RBFOX1: variants seen among roughly 807,000 people sequenced by gnomAD.
The protein encoded by RBFOX1 is RNA binding fox-1 homolog 1, also known as RNA binding protein fox-1 homolog 1.
A neutral mutation model predicts 57.7 loss-of-function variants in RBFOX1; 8 were observed. The ratio of observed to expected loss-of-function variants is 0.14; its 90% CI spans 0.08 to 0.25. RBFOX1 has a LOEUF of 0.25. Ranked by LOEUF, RBFOX1 falls within the 10% of genes least tolerant of loss-of-function variation. The pLI is 1.00. For synonymous variants in RBFOX1, 326 were observed against 222.4 expected, an observed-to-expected ratio of 1.47 and a Z score of -4.15; for missense variants, 611 against 548.5, an observed-to-expected ratio of 1.11 and a Z score of -1.14.
chr16:5,956,204 A>G (rs1313484596), intron 4 of RBFOX1, among the ~76,000 whole-genome samples: 1 of 152,112 alleles, frequency 6.6e-6, no homozygotes, highest in Non-Finnish European at 1.5e-5. Context: ...TGAACCCAGG[A>G]GGTGGAGTTT....
rs141082718 is a variant in RBFOX1 at position 7,573,156 on chromosome 16, C to T, written c.271-6621C>T. 2.5e-3 allele frequency among the ~76,000 whole-genome samples: 387 copies of T among 152,196 alleles called. 1 individual carries two copies. Among genetic ancestry groups the T allele is most frequent in the African/African-American group, 9.0e-3 (372 of 41,536 alleles). ...GGTGACACCTGGGCAGAGATTGTAT[C>T]GGCAAGAGGGCAAGCTACAGGTGGT... is the stretch of plus-strand genomic sequence containing the variant. On this transcript the variant is annotated intron_variant, in intron 5 of 15. Coordinates refer to ENST00000550418, the MANE Select transcript of RBFOX1 (RefSeq NM_018723.4).
At chr16:5,246,785 C>T (rs900811469) in intron 1 of RBFOX1, among the ~76,000 whole-genome samples, 2 of 152,008 alleles carry the variant, frequency 1.3e-5, no homozygotes, top group Non-Finnish European at 2.9e-5. Context: ...ATCCTTCCAC[C>T]TCAGCCTCCT....
chr16:6,959,446 G>T (rs898961492), intron 3 of RBFOX1, among the ~76,000 whole-genome samples: 1 of 152,178 alleles, frequency 6.6e-6, no homozygotes, highest in Non-Finnish European at 1.5e-5. Context: ...GAAGGCAGAA[G>T]TTGGAATAAA....
intron 4 of RBFOX1, among the ~76,000 whole-genome samples, chr16:7,367,087 T>C (rs921696350): frequency 1.3e-5 from 2 of 151,864 alleles, no homozygotes; most frequent in African/African-American, 4.8e-5. Context: ...TTAGACAATA[T>C]GGTGTCAGTG....
intron 7 of RBFOX1, among the ~76,000 whole-genome samples, chr16:7,588,191 A>G (rs1181113950): frequency 1.1e-4 from 16 of 152,182 alleles, no homozygotes; most frequent in Admixed American, 1.0e-3. Flanking sequence ...AAAATAAGCA[A>G]ATAAACAAAA....
chr16:7,168,879 G>T (rs927418357), intron 4 of RBFOX1, among the ~76,000 whole-genome samples: 2 of 152,140 alleles, frequency 1.3e-5, no homozygotes, highest in Admixed American at 1.3e-4. Flanking sequence ...GGAGGAGTGT[G>T]CCTCTATTTT....
intron 1 of RBFOX1, among the ~76,000 whole-genome samples, chr16:6,110,431 A>G (rs961341887): frequency 2.6e-5 from 4 of 152,214 alleles, no homozygotes. Flanking sequence ...TAGGAGAAGC[A>G]GAATTCTGTA....
intron 4 of RBFOX1, chr16:7,423,093 AAGAGAGAGAGAGAGAGAGAG>A (rs56239071): frequency 4.1e-5 from 6 of 144,990 alleles, no homozygotes; most frequent in South Asian, 4.6e-4. Context: ...ATGAGGGAGA[AAGAGAGAGAGAGAGAGAGAG>A]AGAGAGAGAG....
intron 3 of RBFOX1, among the ~76,000 whole-genome samples, chr16:6,835,200 C>T (rs779419595): frequency 1.3e-5 from 2 of 152,024 alleles, no homozygotes; most frequent in Non-Finnish European, 2.9e-5. Context: ...CACGCCCGAC[C>T]GGCCTGACTT....
At chr16:7,008,107 G>C (rs1365824415) in intron 3 of RBFOX1, among the ~76,000 whole-genome samples, 1 of 152,024 alleles carries the variant, frequency 6.6e-6, no homozygotes, top group Non-Finnish European at 1.5e-5. Flanking sequence ...GCCCTTTATT[G>C]TTTCATGTAC....
chr16:7,676,723 C>G (rs2302214), intron 13 of RBFOX1, 51 bp from the exon 14 acceptor site: 40,373 of 1,500,906 alleles, frequency 0.027, 1,450 homozygotes, highest in East Asian at 0.2. Flanking sequence ...CTGGGCATCC[C>G]TGCATTGGGC....
chr16:6,559,958 A>G (rs1406310276), intron 2 of RBFOX1, among the ~76,000 whole-genome samples: 1 of 152,134 alleles, frequency 6.6e-6, no homozygotes, highest in Non-Finnish European at 1.5e-5. Flanking sequence ...ATGTTTTCCA[A>G]CCCACATGAA....
At chr16:6,900,036 C>G (rs546654575) in intron 3 of RBFOX1, among the ~76,000 whole-genome samples, 2 of 152,238 alleles carry the variant, frequency 1.3e-5, no homozygotes, top group South Asian at 2.1e-4. Context: ...GCATCAACTT[C>G]TAGGGTTGTC....
intron 3 of RBFOX1, among the ~76,000 whole-genome samples, chr16:5,623,521 C>T (rs1047228377): frequency 6.6e-6 from 1 of 152,148 alleles, no homozygotes; most frequent in African/African-American, 2.4e-5. Flanking sequence ...TGCATCTTTA[C>T]CTACACCCTA....
chr16:7,517,716 A>G (rs1049460073), intron 4 of RBFOX1, among the ~76,000 whole-genome samples: 6 of 152,022 alleles, frequency 3.9e-5, no homozygotes, highest in African/African-American at 7.2e-5. Flanking sequence ...CACACGTTCA[A>G]TTTAGTCTCT....
At chr16:7,411,783 A>T (rs1173447195) in intron 4 of RBFOX1, among the ~76,000 whole-genome samples, 3 of 152,006 alleles carry the variant, frequency 2.0e-5, no homozygotes, top group Non-Finnish European at 4.4e-5. Flanking sequence ...CATGCCTGTA[A>T]TTCCAGCTAC....
At chr16:5,697,609 C>G in intron 3 of RBFOX1, among the ~76,000 whole-genome samples, 1 of 149,340 alleles carries the variant, frequency 6.7e-6, no homozygotes, top group East Asian at 2.0e-4. Context: ...CCTCAGCTCA[C>G]TGCAACCTCT....
chr16:7,563,042 T>A (rs2090788361), intron 5 of RBFOX1, among the ~76,000 whole-genome samples: 1 of 152,160 alleles, frequency 6.6e-6, no homozygotes, highest in African/African-American at 2.4e-5. Context: ...GCCTCCCATG[T>A]AGGGACTAAA....
chr16:6,029,042 A>G (rs1239192382), intron 1 of RBFOX1, among the ~76,000 whole-genome samples: 4 of 152,160 alleles, frequency 2.6e-5, no homozygotes, highest in Non-Finnish European at 1.5e-5. Context: ...CCTGGGAGTG[A>G]GTTAAGTCAA....
Sources: gnomAD v4.1 joint callset for allele counts (sites outside exome capture counted in the v4.1 genomes callset) on GRCh38, gnomAD v4.1.1 for gene constraint, MANE v1.5 for transcripts, NCBI Gene and HGNC (gene_info 2026-07-23, HGNC 2026-07-21) for gene names.